The following RELN variants were observed in gnomAD, a reference collection of about 807,000 sequenced individuals.
RELN encodes the protein reelin.
Under a neutral mutation model 427.6 loss-of-function variants are expected in RELN, and 108 were observed. The ratio of observed to expected loss-of-function variants is 0.25; its 90% confidence interval spans 0.22 to 0.30. The LOEUF is 0.30. Ranked by LOEUF, RELN falls within the 10% of genes least tolerant of loss-of-function variation. The pLI, the probability that RELN is intolerant of heterozygous loss-of-function variation, is 1.00. For synonymous variants in RELN, 1,524 were observed against 1,513.4 expected (o/e 1.01, Z -0.16); for missense variants, 3,715 against 4,302.8 (o/e 0.86, Z 3.82).
rs553843843 is a variant in RELN at position 103,697,694 on chromosome 7, A to T, written c.1143+159T>A. Among the ~76,000 whole-genome samples the T allele has an allele frequency of 3.9e-5, 6 of 152,302 alleles. No homozygotes were observed. The East Asian group carries it at 1.2e-3, about 29-fold the overall frequency. On this transcript the variant is annotated intron_variant, in intron 10 of 64. Coordinates refer to ENST00000428762, the MANE Select transcript of RELN (RefSeq NM_005045.4). ...GAATGTTTTATACTAATGACTTTCC[A>T]TCCTTAAAAGGTAGGGTAATATAAA...
intron 15 of RELN, 141 bp from the exon 16 acceptor site, chr7:103,650,524 G>A: frequency 2.8e-6 from 2 of 715,376 alleles, no homozygotes; most frequent in Non-Finnish European, 5.2e-6. Context: ...ATTCACTTGT[G>A]GAATTTGTTT....
At chr7:103,738,595 C>G (rs886498970) in intron 6 of RELN, among the ~76,000 whole-genome samples, 4 of 149,624 alleles carry the variant, frequency 2.7e-5, no homozygotes, top group Non-Finnish European at 5.9e-5. Flanking sequence ...TTATTTCTAT[C>G]ATGTTAACTT....
intron 36 of RELN, among the ~76,000 whole-genome samples, chr7:103,560,398 T>C (rs894665453): frequency 6.6e-6 from 1 of 152,220 alleles, no homozygotes; most frequent in African/African-American, 2.4e-5. Flanking sequence ...AGACATATAA[T>C]GCTTGGCTGC....
chr7:103,610,187 A>G (rs1831917694), intron 22 of RELN, among the ~76,000 whole-genome samples: 1 of 152,206 alleles, frequency 6.6e-6, no homozygotes, highest in Admixed American at 6.5e-5. Flanking sequence ...CACACTATCA[A>G]ATGTTTAACT....
chr7:103,830,576 C>A (rs962056444), intron 3 of RELN, among the ~76,000 whole-genome samples: 1 of 151,670 alleles, frequency 6.6e-6, no homozygotes, highest in South Asian at 2.1e-4. Context: ...CAATCCTCTT[C>A]GAGGATTCCT....
chr7:103,650,855 C>T (rs1202511901), intron 15 of RELN, among the ~76,000 whole-genome samples: 1 of 152,078 alleles, frequency 6.6e-6, no homozygotes, highest in Non-Finnish European at 1.5e-5. Context: ...AAACTTCTGA[C>T]CTCAAGAAAT....
intron 8 of RELN, among the ~76,000 whole-genome samples, chr7:103,719,528 A>G (rs914109500): frequency 6.6e-6 from 1 of 152,140 alleles, no homozygotes; most frequent in African/African-American, 2.4e-5. Context: ...TTTCTCACTT[A>G]TTTTGTTTTC....
At chr7:103,939,205 T>C (rs1411157262) in intron 1 of RELN, among the ~76,000 whole-genome samples, 2 of 152,176 alleles carry the variant, frequency 1.3e-5, no homozygotes, top group African/African-American at 4.8e-5. Context: ...CACCTTGGCT[T>C]CCCAAAGTGC....
Position 103,490,743 on chromosome 7 carries a change from G to T in RELN, c.9530C>A (p.Ala3177Asp), listed in dbSNP as rs1828621212. Residue 3177 changes from alanine (A) to aspartate (D), a missense_variant, in exon 59 of 65, where the codon GCC becomes GAC. Coordinates refer to ENST00000428762, the MANE Select transcript of RELN (RefSeq NM_005045.4). Reference protein sequence around the residue: ...IGCSPFQFHEATIYNSVNSSS... With the variant: ...IGCSPFQFHEDTIYNSVNSSS... ...GCTGTTGACAGAGTTGTAGATGGTG[G>T]CTTCATGGAACTGGAAAGGGGAGCA... 6.2e-7 allele frequency: 1 copy of T among 1,614,100 alleles called. No homozygotes were observed. Among genetic ancestry groups the T allele is most frequent in the African/African-American group, 1.3e-5 (1 of 74,940 alleles).
intron 41 of RELN, among the ~76,000 whole-genome samples, chr7:103,547,780 G>T (rs1386841710): frequency 6.6e-6 from 1 of 151,980 alleles, no homozygotes; most frequent in African/African-American, 2.4e-5. Context: ...GATTTTTTTT[G>T]AACTTCTTAT....
chr7:103,636,847 C>G (rs1183823008), intron 17 of RELN, among the ~76,000 whole-genome samples: 1 of 152,060 alleles, frequency 6.6e-6, no homozygotes, highest in Non-Finnish European at 1.5e-5. Flanking sequence ...CAATAAGATA[C>G]CCAGAATAAA....
At chr7:103,490,449 A>G (rs1828611899) in intron 59 of RELN, among the ~76,000 whole-genome samples, 3 of 152,190 alleles carry the variant, frequency 2.0e-5, no homozygotes, top group East Asian at 3.9e-4. Context: ...GAGATCTCTG[A>G]ATCATTTACA....
intron 10 of RELN, among the ~76,000 whole-genome samples, chr7:103,688,888 G>A (rs1477046251): frequency 6.6e-6 from 1 of 152,028 alleles, no homozygotes; most frequent in Admixed American, 6.6e-5. Context: ...CTTCATTAGG[G>A]CCTTTTGATG....
intron 1 of RELN, among the ~76,000 whole-genome samples, chr7:103,954,664 T>C (rs1040427371): frequency 6.6e-6 from 1 of 152,190 alleles, no homozygotes; most frequent in African/African-American, 2.4e-5. Flanking sequence ...ATGGAATCTA[T>C]AAGAAGTATA....
chr7:103,710,367 C>A (rs1410391588), intron 8 of RELN, among the ~76,000 whole-genome samples: 1 of 152,168 alleles, frequency 6.6e-6, no homozygotes, highest in Non-Finnish European at 1.5e-5. Context: ...TAGTGTGATA[C>A]AGCTACGTAG....
Position 103,732,008 on chromosome 7 carries a change from T to C in RELN, c.657-3801A>G, listed in dbSNP as rs114926025. Reference sequence around the variant, plus strand: ...ATTCAGACTAGCCACATTTCAAGTGTTCCACAGCCGTATGTGACTAGTGCC... The same window carrying C: ...ATTCAGACTAGCCACATTTCAAGTGCTCCACAGCCGTATGTGACTAGTGCC... On this transcript the variant is annotated intron_variant, in intron 6 of 64. Coordinates refer to ENST00000428762, the MANE Select transcript of RELN (RefSeq NM_005045.4). Among the ~76,000 whole-genome samples, 1,285 of 152,232 alleles carry C rather than the reference T, an allele frequency of 8.4e-3. 29 individuals are homozygous for C. The highest frequency in any genetic ancestry group is 0.029 in the African/African-American group (1,212 of 41,546).
At chr7:103,518,635 ATG>A (rs1829631215) in intron 49 of RELN, among the ~76,000 whole-genome samples, 1 of 151,340 alleles carries the variant, frequency 6.6e-6, no homozygotes. Flanking sequence ...CATGCCCAGC[ATG>A]TGTTTCCTGT....
intron 4 of RELN, among the ~76,000 whole-genome samples, chr7:103,763,886 G>A (rs1035926583): frequency 3.9e-5 from 6 of 152,030 alleles, no homozygotes; most frequent in African/African-American, 1.2e-4. Flanking sequence ...ATGTGTGAAA[G>A]GCCTGAATAA....
intron 24 of RELN, among the ~76,000 whole-genome samples, chr7:103,597,826 C>G (rs1831573344): frequency 1.3e-5 from 2 of 152,122 alleles, no homozygotes; most frequent in African/African-American, 4.8e-5. Context: ...AGGTGTCAGA[C>G]AGAAATTAAC....
Sources: allele counts gnomAD v4.1 joint callset (sites outside exome capture counted in the v4.1 genomes callset), GRCh38; gene constraint gnomAD v4.1.1; transcripts MANE v1.5; gene names NCBI Gene and HGNC (gene_info 2026-07-23, HGNC 2026-07-21).